ATG10: variants seen among roughly 807,000 people sequenced by gnomAD.
ATG10 encodes the protein ubiquitin-like-conjugating enzyme ATG10.
A neutral mutation model predicts 32.1 loss-of-function variants in ATG10; 30 were observed. The observed-to-expected ratio is 0.94, with a 90% confidence interval of 0.70 to 1.27. The LOEUF (loss-of-function observed/expected upper bound fraction) is 1.27. ATG10 is among the 50% of genes most tolerant of loss of function. ATG10 has a pLI of 0.00. For synonymous variants in ATG10, 87 were observed against 91.5 expected, an observed-to-expected ratio of 0.95 and a Z score of 0.28; for missense variants, 233 against 262.3, an observed-to-expected ratio of 0.89 and a Z score of 0.77.
chr5:82,104,566 G>A (rs1262598011), intron 3 of ATG10, among the ~76,000 whole-genome samples: 1 of 152,056 alleles, frequency 6.6e-6, no homozygotes, highest in African/African-American at 2.4e-5. Context: ...GGTAAATTAA[G>A]TAGTAATGTT....
At chr5:82,229,541 G>A (rs1374500611) in intron 5 of ATG10, among the ~76,000 whole-genome samples, 2 of 152,142 alleles carry the variant, frequency 1.3e-5, no homozygotes, top group Non-Finnish European at 2.9e-5. Flanking sequence ...ATAATTTTGT[G>A]TGCTGGTTTT....
intron 2 of ATG10, 134 bp from the exon 3 acceptor site, chr5:82,058,357 CTCTT>C (rs1763666929): frequency 3.3e-6 from 2 of 612,324 alleles, no homozygotes; most frequent in African/African-American, 3.7e-5. Context: ...TTGGACTAGT[CTCTT>C]TATCCATATA....
chr5:82,139,385 C>T (rs980245421), intron 3 of ATG10, among the ~76,000 whole-genome samples: 1 of 149,144 alleles, frequency 6.7e-6, no homozygotes, highest in Non-Finnish European at 1.5e-5. Flanking sequence ...CCCATCCCAT[C>T]TAGGAAGTGA....
intron 3 of ATG10, among the ~76,000 whole-genome samples, chr5:82,112,946 T>G (rs1765664128): frequency 6.6e-6 from 1 of 151,994 alleles, no homozygotes; most frequent in Admixed American, 6.6e-5. Context: ...GCAGATATAG[T>G]TATTAAAATG....
chr5:81,978,902 T>G (rs967508675), intron 1 of ATG10, among the ~76,000 whole-genome samples: 1 of 152,040 alleles, frequency 6.6e-6, no homozygotes, highest in Non-Finnish European at 1.5e-5. Context: ...ATTTTTGAAT[T>G]TTTCTTTTTT....
At chr5:81,987,955 C>G (rs972345950) in intron 2 of ATG10, among the ~76,000 whole-genome samples, 1 of 152,116 alleles carries the variant, frequency 6.6e-6, no homozygotes, top group Admixed American at 6.6e-5. Flanking sequence ...TATTAATTAT[C>G]TGAATGTAAA....
chr5:82,044,927 G>A (rs1763191802), intron 2 of ATG10, among the ~76,000 whole-genome samples: 1 of 152,118 alleles, frequency 6.6e-6, no homozygotes, highest in Non-Finnish European at 1.5e-5. Flanking sequence ...TTCTTTCAGT[G>A]CCTCCCTTGT....
intron 3 of ATG10, among the ~76,000 whole-genome samples, chr5:82,160,311 A>T (rs1743264666): frequency 6.6e-6 from 1 of 152,218 alleles, no homozygotes; most frequent in African/African-American, 2.4e-5. Flanking sequence ...ATCACTTAGC[A>T]TAATTCCCTG....
At chr5:82,042,032 T>C (rs1763099631) in intron 2 of ATG10, among the ~76,000 whole-genome samples, 1 of 152,204 alleles carries the variant, frequency 6.6e-6, no homozygotes, top group South Asian at 2.1e-4. Flanking sequence ...AGAGTATATT[T>C]ATGATAGCTA....
At chr5:81,976,600 A>G (rs1330850733) in intron 1 of ATG10, among the ~76,000 whole-genome samples, 3 of 152,114 alleles carry the variant, frequency 2.0e-5, no homozygotes, top group African/African-American at 7.2e-5. Flanking sequence ...AAGTAAGGCT[A>G]CTCCACTTTG....
At chr5:82,157,206 A>T (rs1767832799) in intron 3 of ATG10, among the ~76,000 whole-genome samples, 1 of 152,182 alleles carries the variant, frequency 6.6e-6, no homozygotes, top group South Asian at 2.1e-4. Flanking sequence ...TGGTTGATGT[A>T]GCAGGGAGAG....
intron 3 of ATG10, among the ~76,000 whole-genome samples, chr5:82,144,350 CCTTT>C (rs1003721151): frequency 8.6e-5 from 13 of 151,372 alleles, no homozygotes; most frequent in Non-Finnish European, 1.6e-4. Context: ...TTTGTTATTT[CCTTT>C]CTTTTATTTG....
At chr5:82,174,392 T>G (rs540725231) in intron 4 of ATG10, among the ~76,000 whole-genome samples, 1 of 152,300 alleles carries the variant, frequency 6.6e-6, no homozygotes, top group East Asian at 1.9e-4. Flanking sequence ...TTATATACTT[T>G]TGCCAACCAT....
At chr5:82,108,072 T>C (rs1765495337) in intron 3 of ATG10, among the ~76,000 whole-genome samples, 1 of 152,012 alleles carries the variant, frequency 6.6e-6, no homozygotes, top group African/African-American at 2.4e-5. Flanking sequence ...ATGGAGCACC[T>C]TGAAATCCGT....
At chr5:82,092,842 A>G (rs1432583828) in intron 3 of ATG10, among the ~76,000 whole-genome samples, 1 of 152,190 alleles carries the variant, frequency 6.6e-6, no homozygotes, top group East Asian at 1.9e-4. Context: ...GGTGAGGCAT[A>G]ATTTACTGGA....
chr5:82,079,405 T>C (rs1164329041), intron 3 of ATG10, among the ~76,000 whole-genome samples: 3 of 151,884 alleles, frequency 2.0e-5, no homozygotes, highest in Non-Finnish European at 4.4e-5. Flanking sequence ...CTAGGGTACA[T>C]GTGCACAACA....
At chr5:82,158,348 G>GCT (rs1561331475) in intron 3 of ATG10, among the ~76,000 whole-genome samples, 1 of 145,982 alleles carries the variant, frequency 6.9e-6, no homozygotes, top group Non-Finnish European at 1.5e-5. Flanking sequence ...AAATACAGCT[G>GCT]CCCCCCCGCC....
At chr5:81,981,204 T>C (rs994142219) in intron 1 of ATG10, among the ~76,000 whole-genome samples, 10 of 152,204 alleles carry the variant, frequency 6.6e-5, no homozygotes, top group Non-Finnish European at 1.5e-4. Context: ...ACCAGCCCTG[T>C]CAAAGTGATT....
intron 2 of ATG10, among the ~76,000 whole-genome samples, chr5:82,046,101 C>G (rs1170227305): frequency 6.6e-6 from 1 of 152,140 alleles, no homozygotes; most frequent in African/African-American, 2.4e-5. Flanking sequence ...CAGCTCTGTC[C>G]TACCTCAGCT....
Sources: gnomAD v4.1 joint callset for allele counts (sites outside exome capture counted in the v4.1 genomes callset) on GRCh38, gnomAD v4.1.1 for gene constraint, MANE v1.5 for transcripts, NCBI Gene and HGNC (gene_info 2026-07-23, HGNC 2026-07-21) for gene names.